CACNA1H: variants seen among roughly 807,000 people sequenced by gnomAD.
CACNA1H encodes the protein calcium voltage-gated channel subunit alpha1 H, also known as voltage-dependent T-type calcium channel subunit alpha-1H.
Under a neutral mutation model 192.5 loss-of-function variants are expected in CACNA1H, and 149 were observed. That is an observed-to-expected ratio of 0.77 (90% CI 0.68 to 0.89). The LOEUF is 0.89. CACNA1H is among the 40% of genes least tolerant of loss of function. The pLI, the probability that CACNA1H is intolerant of heterozygous loss-of-function variation, is 0.00. For synonymous variants in CACNA1H, 2,202 were observed against 1,475.2 expected (o/e 1.49, Z -11.29); for missense variants, 4,257 against 3,423.5 (o/e 1.24, Z -6.08).
intron 29 of CACNA1H, 46 bp downstream of exon 29, chr16:1,215,421 G>C (rs773458530): frequency 1.2e-4 from 196 of 1,589,520 alleles, no homozygotes; most frequent in Non-Finnish European, 1.7e-4. Flanking sequence ...GGTGGAGGGT[G>C]GGGGCTCAGC....
chr16:1,212,612 T>C (rs1472669063), intron 26 of CACNA1H, 84 bp downstream of exon 26: 2 of 1,507,718 alleles, frequency 1.3e-6, no homozygotes, highest in Admixed American at 3.9e-5. Context: ...CCTGCTGGGG[T>C]CCTCCGCAGG....
chr16:1,220,124 CG>C lies in CACNA1H; in HGVS notation c.6193del (p.Ala2065ProfsTer123). 1 of 1,491,614 alleles carries C rather than the reference CG, an allele frequency of 6.7e-7. No individual in the cohort carries two copies. Among genetic ancestry groups the C allele is most frequent in the South Asian group, 1.4e-5 (1 of 70,558 alleles). 92.4% of individuals were successfully genotyped at this position (1,491,614 alleles called of 1,614,324 possible). On this transcript the variant is annotated frameshift_variant, in exon 35 of 35. Coordinates refer to ENST00000348261, the MANE Select transcript of CACNA1H (RefSeq NM_021098.3). LOFTEE classifies it low-confidence loss of function (END_TRUNC). ...AGTCCCCACCACGCTCCCCACGGCC[CG>C]CCAGCGTCCGCACTCGTAAGCATAC... ...LQSPPRSPRPASVRTRKHTFG... is the reference protein window; with the variant it reads ...LQSPPRSPRPXSVRTRKHTFG...
intron 2 of CACNA1H, among the ~76,000 whole-genome samples, chr16:1,181,214 C>T (rs551810932): frequency 1.3e-5 from 2 of 152,356 alleles, no homozygotes; most frequent in African/African-American, 4.8e-5. Context: ...CCTGGGGGCC[C>T]GCAGCACCCT....
At position 1,195,920 on chromosome 16, in the gene CACNA1H, C is replaced by T. The variant is rs746339730; in HGVS notation, c.546-6C>T. 1 of 1,612,050 alleles carries T rather than the reference C, an allele frequency of 6.2e-7. No individual in the cohort carries two copies. Among genetic ancestry groups the T allele is most frequent in the Non-Finnish European group, 8.5e-7 (1 of 1,178,932 alleles). On this transcript the variant is annotated splice_polypyrimidine_tract_variant and splice_region_variant and intron_variant, in intron 4 of 34. Transcript: ENST00000348261. ...TTGAGCTGCTCCCCCTCGGCCCCGC[C>T]CCCAGCATGATGGAGTACTCGTTGG...
rs1295005840 is a variant in CACNA1H, at chr16:1,195,297, C to T, written c.412-135C>T. 17 of 862,020 alleles carry T rather than the reference C, an allele frequency of 2.0e-5. No individual in the cohort carries two copies. In the Admixed American group the frequency reaches 3.4e-4, roughly 17 times the overall value. The allele number at this position is 862,020 out of a possible 1,614,324, so 53.4% of individuals were successfully genotyped here. A position where few individuals can be genotyped will look rare whatever the true frequency, so the allele number is the denominator to read the frequency against. On this transcript the variant is annotated intron_variant, in intron 3 of 34. Transcript: ENST00000348261. ...TTCAAGGCGAGGCAGGGCTCAGTTC[C>T]TGGGGCTCAGGGCGGGGCAGGGGCG...
intron 2 of CACNA1H, among the ~76,000 whole-genome samples, chr16:1,194,380 C>T (rs8055522): frequency 0.35 from 53,077 of 152,112 alleles, 10,209 homozygotes; most frequent in East Asian, 0.84. Context: ...GATTGCCTCT[C>T]CCTCCTTCCT....
At position 1,220,877 on chromosome 16, in the gene CACNA1H, T is replaced by C; in HGVS notation, c.6945T>C (p.Gly2315=). 6.2e-7 allele frequency: 1 copy of C among 1,612,616 alleles called. No individual in the cohort carries two copies. Among genetic ancestry groups the C allele is most frequent in the Non-Finnish European group, 8.5e-7 (1 of 1,179,756 alleles). The change falls in exon 35 of 35, where the codon GGT becomes GGC. Residue 2315 remains glycine, a synonymous_variant. Coordinates refer to ENST00000348261, the MANE Select transcript of CACNA1H (RefSeq NM_021098.3). ...AATCAGAGCCTCCCATGCCCGTCGG[T>C]GACCCCCCAGAGAAGAGGCGGGGGC... ...PPESEPPMPV[G]DPPEKRRGLY...
At chr16:1,156,419 C>T (rs1383763555) in intron 2 of CACNA1H, among the ~76,000 whole-genome samples, 4 of 152,202 alleles carry the variant, frequency 2.6e-5, no homozygotes, top group Non-Finnish European at 5.9e-5. Flanking sequence ...AATAAGCTGG[C>T]AGGCCTGGAC....
In CACNA1H at chr16:1,206,169, G is replaced by A. The variant is rs750793774; in HGVS notation, c.2669G>A (p.Arg890His). Reference sequence around the variant, plus strand: ...GTGCTGCGCACCTTCCGGCTGCTGCGTGTGCTGAAGCTGGTGCGCTTTCTG... The same window carrying A: ...GTGCTGCGCACCTTCCGGCTGCTGCATGTGCTGAAGCTGGTGCGCTTTCTG... Reference protein sequence around the residue: ...LSVLRTFRLLRVLKLVRFLPA... With the variant: ...LSVLRTFRLLHVLKLVRFLPA... Residue 890 changes from arginine to histidine, a missense_variant, in exon 12 of 35, where the codon CGT becomes CAT. Transcript: ENST00000348261. 1.2e-5 allele frequency: 19 copies of A among 1,586,406 alleles called. No homozygotes were observed. The highest frequency in any genetic ancestry group is 4.6e-5 in the East Asian group (2 of 43,400).
chr16:1,171,524 G>A (rs981912211), intron 2 of CACNA1H, among the ~76,000 whole-genome samples: 1 of 152,240 alleles, frequency 6.6e-6, no homozygotes, highest in Non-Finnish European at 1.5e-5. Context: ...ATGGAGATGG[G>A]GGTCAGGGTG....
intron 6 of CACNA1H, among the ~76,000 whole-genome samples, chr16:1,199,900 T>G (rs1485980647): frequency 2.0e-5 from 3 of 152,076 alleles, no homozygotes; most frequent in Non-Finnish European, 4.4e-5. Context: ...AGCCTGGGTT[T>G]CTGGCTCTTG....
chr16:1,189,828 G>T (rs1966439352), intron 2 of CACNA1H, among the ~76,000 whole-genome samples: 1 of 152,286 alleles, frequency 6.6e-6, no homozygotes, highest in South Asian at 2.1e-4. Flanking sequence ...CTTCAGCCCT[G>T]TTCCCCTGTT....
Position 1,220,167 on chromosome 16 carries a change from G to A in CACNA1H, c.6235G>A (p.Val2079Ile), listed in dbSNP as rs367607849. 75 of 1,521,068 alleles carry A rather than the reference G, an allele frequency of 4.9e-5. No individual in the cohort carries two copies. In the East Asian group the frequency reaches 6.9e-4, roughly 14 times the overall value. 94.2% of individuals were successfully genotyped at this position (1,521,068 alleles called of 1,614,324 possible). ...TRKHTFGQRC[V>I]SSRPAAPGGE... is the part of the protein sequence containing the mutation. ...TAAGCATACCTTCGGACAGCGCTGC[G>A]TCTCCAGCCGGCCGGCGGCCCCAGG... is the stretch of plus-strand genomic sequence containing the variant. The change falls in exon 35 of 35, where the codon GTC becomes ATC. Residue 2079 changes from valine to isoleucine, a missense_variant. By Grantham distance (29) the Val-to-Ile change is conservative. Coordinates refer to ENST00000348261, the MANE Select transcript of CACNA1H (RefSeq NM_021098.3).
At chr16:1,202,561 G>A in intron 9 of CACNA1H, 109 bp downstream of exon 9, 1 of 992,038 alleles carries the variant, frequency 1.0e-6, no homozygotes, top group Non-Finnish European at 1.4e-6. Context: ...GATGAGCCCA[G>A]CTTTGACTTG....
intron 27 of CACNA1H, among the ~76,000 whole-genome samples, chr16:1,214,500 G>A (rs1241006743): frequency 6.6e-6 from 1 of 152,164 alleles, no homozygotes; most frequent in Non-Finnish European, 1.5e-5. Context: ...GAGGGTGAGG[G>A]GCTCCCAGGT....
Position 1,180,470 on chromosome 16 carries a change from G to T in CACNA1H, c.300-14502G>T, listed in dbSNP as rs1567466047. Among the ~76,000 whole-genome samples the T allele has an allele frequency of 3.9e-5, 6 of 152,286 alleles. No homozygotes were observed. In the South Asian group the frequency reaches 1.2e-3, roughly 32 times the overall value. ...CAGTGGTGGGACTGGAGGTGCCGTG[G>T]AGGGTGGGCCTGTGTCCTGGTGTCC... On this transcript the variant is annotated intron_variant, in intron 2 of 34. Coordinates refer to ENST00000348261, the MANE Select transcript of CACNA1H (RefSeq NM_021098.3). The surrounding 1 kb of genome is among the most constrained non-coding windows in gnomAD (Gnocchi z 4.4).
intron 2 of CACNA1H, among the ~76,000 whole-genome samples, chr16:1,187,693 T>TG (rs1166944925): frequency 6.6e-6 from 1 of 152,090 alleles, no homozygotes; most frequent in African/African-American, 2.4e-5. Context: ...CAGCCCTGCT[T>TG]GGGGGCCACT....
In CACNA1H at chr16:1,167,498, T is replaced by C. The variant is rs2151686600; in HGVS notation, c.299+13462T>C. The stretch of plus-strand genomic sequence containing the variant: ...ATTAATGAGCTTGGTGCGGTTGCCA[T>C]GGGAACCTGTTGCTAATGAATCTCT... On this transcript the variant is annotated intron_variant, in intron 2 of 34. Coordinates refer to ENST00000348261, the MANE Select transcript of CACNA1H (RefSeq NM_021098.3). This position sits in a 1 kb window ranked among gnomAD's most constrained non-coding sequence, Gnocchi z 4.2. Among the ~76,000 whole-genome samples the C allele has an allele frequency of 6.6e-6, 1 of 152,236 alleles. No homozygotes were observed. The highest frequency in any genetic ancestry group is 1.9e-4 in the East Asian group (1 of 5,174).
intron 2 of CACNA1H, among the ~76,000 whole-genome samples, chr16:1,158,615 G>A (rs1962757343): frequency 1.3e-5 from 2 of 152,216 alleles, no homozygotes; most frequent in Admixed American, 1.3e-4. Context: ...GATGGACTCG[G>A]GACTCAGGCC....
Sources: gnomAD v4.1 joint callset for allele counts (sites outside exome capture counted in the v4.1 genomes callset) on GRCh38, gnomAD v4.1.1 for gene constraint, Gnocchi (gnomAD v3.1) non-coding constraint, MANE v1.5 for transcripts, NCBI Gene and HGNC (gene_info 2026-07-23, HGNC 2026-07-21) for gene names.